The following IQUB variants were observed in gnomAD, a reference collection of about 807,000 sequenced individuals.
IQUB encodes the protein IQ motif and ubiquitin domain containing.
A neutral mutation model predicts 86.4 loss-of-function variants in IQUB; 86 were observed. The observed-to-expected ratio is 1.00, with a 90% CI of 0.84 to 1.19. IQUB has a LOEUF of 1.19. Ranked by LOEUF, IQUB falls within the 50% of genes most tolerant of loss-of-function variation. IQUB has a pLI of 0.00. For missense variants in IQUB, 946 were observed against 916.9 expected, an observed-to-expected ratio of 1.03 and a Z score of -0.41; for synonymous variants, 289 against 304.5, an observed-to-expected ratio of 0.95 and a Z score of 0.53.
chr7:123,463,918 AT>A (rs1397005678), intron 10 of IQUB, among the ~76,000 whole-genome samples: 31 of 151,918 alleles, frequency 2.0e-4, no homozygotes, highest in African/African-American at 7.0e-4. Flanking sequence ...GTAAGAAATA[AT>A]ATAATGGGAA....
chr7:123,464,436 C>T (rs117208899), intron 10 of IQUB, among the ~76,000 whole-genome samples: 2,798 of 151,952 alleles, frequency 0.018, 41 homozygotes, highest in Non-Finnish European at 0.029. Flanking sequence ...CCCTGTGAGG[C>T]CTCATGAAGG....
intron 8 of IQUB, among the ~76,000 whole-genome samples, chr7:123,477,302 G>A (rs910089856): frequency 1.3e-5 from 2 of 152,146 alleles, no homozygotes; most frequent in African/African-American, 4.8e-5. Context: ...ACAACTATCT[G>A]ATCTTTGACA....
intron 11 of IQUB, among the ~76,000 whole-genome samples, chr7:123,458,890 C>T (rs1409094945): frequency 1.3e-5 from 2 of 151,934 alleles, no homozygotes; most frequent in Non-Finnish European, 2.9e-5. Context: ...CTTGTCTAAG[C>T]AGAATGTTTA....
chr7:123,499,895 C>T (rs1363025938), intron 6 of IQUB, among the ~76,000 whole-genome samples: 2 of 152,142 alleles, frequency 1.3e-5, no homozygotes, highest in Non-Finnish European at 2.9e-5. Context: ...AGATACAAGT[C>T]ATAAAGACCT....
intron 7 of IQUB, among the ~76,000 whole-genome samples, chr7:123,490,357 T>C (rs980813152): frequency 5.9e-5 from 9 of 152,160 alleles, no homozygotes; most frequent in Admixed American, 5.2e-4. Context: ...TAATGCTAAA[T>C]GTTTTTACAT....
Position 123,511,979 on chromosome 7 carries a change from G to T in IQUB, c.362C>A (p.Ser121Tyr). 1 of 1,609,516 alleles carries T rather than the reference G, an allele frequency of 6.2e-7. No homozygotes were observed. The highest frequency in any genetic ancestry group is 2.2e-5 in the East Asian group (1 of 44,836). ...AGAATCTTCCACTGATTCTTGCAAA[G>T]ATTCCTTTACAGACTTTATTTTATC... ...FLDKIKSVKE[S>Y]LQESVEDSLA... is the part of the protein sequence containing the mutation. The change falls in exon 2 of 13, where the codon TCT (serine) becomes TAT (tyrosine). Residue 121 changes from serine to tyrosine, a missense_variant. Physicochemically the swap from Ser to Tyr is moderately radical, Grantham distance 144. Coordinates refer to ENST00000324698, the MANE Select transcript of IQUB (RefSeq NM_178827.5).
chr7:123,475,425 T>G (rs1351134324), intron 8 of IQUB, among the ~76,000 whole-genome samples: 5 of 143,436 alleles, frequency 3.5e-5, no homozygotes, highest in Non-Finnish European at 4.5e-5. Flanking sequence ...CATCTTAGAG[T>G]GCCACACCTC....
chr7:123,456,132 T>C (rs1244692619), intron 12 of IQUB, among the ~76,000 whole-genome samples: 1 of 152,242 alleles, frequency 6.6e-6, no homozygotes, highest in East Asian at 1.9e-4. Context: ...GTTTGTCTGC[T>C]TGCAAATCTT....
intron 3 of IQUB, 39 bp from the exon 4 acceptor site, chr7:123,503,402 A>G: frequency 7.5e-6 from 8 of 1,060,566 alleles, no homozygotes; most frequent in Non-Finnish European, 1.1e-5. Flanking sequence ...TTTTATGACA[A>G]AGAAATGGCT....
chr7:123,458,035 G>A (rs1320372279), intron 11 of IQUB: 1 of 156,474 alleles, frequency 6.4e-6, no homozygotes. Flanking sequence ...TTGTCCAAGG[G>A]CCATGCTAAT....
intron 7 of IQUB, among the ~76,000 whole-genome samples, chr7:123,480,406 G>T (rs752581980): frequency 2.0e-5 from 3 of 152,100 alleles, no homozygotes; most frequent in Non-Finnish European, 4.4e-5. Context: ...TGCCTACAAA[G>T]CTCTCATCAA....
At chr7:123,517,286 C>G (rs1264875876) in intron 1 of IQUB, among the ~76,000 whole-genome samples, 1 of 152,030 alleles carries the variant, frequency 6.6e-6, no homozygotes. Flanking sequence ...AATCCCAGCA[C>G]TTTGTGAGGC....
chr7:123,478,812 G>T (rs1794865208), intron 8 of IQUB, among the ~76,000 whole-genome samples: 1 of 152,154 alleles, frequency 6.6e-6, no homozygotes, highest in Non-Finnish European at 1.5e-5. Context: ...GTTTACAGGT[G>T]AGGGGGCAAG....
Position 123,452,492 on chromosome 7 carries a change from TTAAAA to T in IQUB, c.*246_*250del, listed in dbSNP as rs992649205. 12 of 285,718 alleles carry T rather than the reference TTAAAA, an allele frequency of 4.2e-5. No homozygotes were observed. Among genetic ancestry groups the T allele is most frequent in the African/African-American group, 2.6e-4 (12 of 46,096 alleles). The allele number at this position is 285,718 out of a possible 1,614,324, so 17.7% of individuals were successfully genotyped here. ...AAAAAATTTAATGTGAAAACACATT[TTAAAA>T]TGTTTTCTTTACCCCAAAATATTAA... On this transcript the variant is annotated 3_prime_UTR_variant, in exon 13 of 13. Transcript: ENST00000324698.
chr7:123,528,504 T>A (rs772859820), intron 1 of IQUB, among the ~76,000 whole-genome samples: 1 of 152,220 alleles, frequency 6.6e-6, no homozygotes, highest in Non-Finnish European at 1.5e-5. Context: ...GCAGTATATC[T>A]GGGATCCAAA....
intron 2 of IQUB, 103 bp from the exon 3 acceptor site, chr7:123,510,138 C>A (rs1584629053): frequency 1.4e-6 from 1 of 722,860 alleles, no homozygotes; most frequent in East Asian, 2.7e-5. Context: ...TTTTTAATTA[C>A]ATAGAATACA....
intron 8 of IQUB, among the ~76,000 whole-genome samples, chr7:123,473,620 G>A (rs1009574101): frequency 3.9e-5 from 6 of 152,036 alleles, no homozygotes; most frequent in African/African-American, 7.2e-5. Context: ...CTGTTGCCCA[G>A]GCTGGAGTGC....
intron 7 of IQUB, among the ~76,000 whole-genome samples, chr7:123,480,712 T>C (rs149523022): frequency 7.8e-4 from 119 of 152,266 alleles, no homozygotes; most frequent in Non-Finnish European, 1.2e-3. Flanking sequence ...TTATGTAGAA[T>C]TGTTGATTTC....
At chr7:123,500,229 C>A (rs1445103193) in intron 6 of IQUB, among the ~76,000 whole-genome samples, 1 of 152,134 alleles carries the variant, frequency 6.6e-6, no homozygotes, top group Non-Finnish European at 1.5e-5. Flanking sequence ...TTACTTTATT[C>A]TATGGACTTG....
Sources: gnomAD v4.1 joint callset for allele counts (sites outside exome capture counted in the v4.1 genomes callset) on GRCh38, gnomAD v4.1.1 for gene constraint, MANE v1.5 for transcripts, NCBI Gene and HGNC (gene_info 2026-07-23, HGNC 2026-07-21) for gene names.